The following CTNNA2 variants were observed in gnomAD, a reference collection of about 807,000 sequenced individuals.
CTNNA2 encodes the protein catenin alpha-2.
CTNNA2 carries 42 observed loss-of-function variants against 101.0 expected under a neutral mutation model. The observed-to-expected ratio is 0.42, with a 90% confidence interval of 0.32 to 0.54. The LOEUF (loss-of-function observed/expected upper bound fraction) is 0.54. Among genes scored for constraint, CTNNA2 ranks in the 20% least tolerant of loss-of-function variants. The probability of loss-of-function intolerance (pLI) is 0.14; values close to 1 mark genes in which losing one functional copy is unlikely to be tolerated. For synonymous variants in CTNNA2, 450 were observed against 456.4 expected (o/e 0.99, Z 0.18); for missense variants, 871 against 1,223.1 (o/e 0.71, Z 4.29).
chr2:80,409,409 C>A (rs1224058003), intron 8 of CTNNA2, among the ~76,000 whole-genome samples: 2 of 152,146 alleles, frequency 1.3e-5, no homozygotes, highest in African/African-American at 2.4e-5. Flanking sequence ...TCATGCTTAC[C>A]TGTAAGCACC....
chr2:79,547,000 A>T (rs1287608905), intron 1 of CTNNA2, among the ~76,000 whole-genome samples: 1 of 150,492 alleles, frequency 6.6e-6, no homozygotes, highest in Non-Finnish European at 1.5e-5. Flanking sequence ...AGAACGCTTG[A>T]TGTACTTGTT....
intron 7 of CTNNA2, among the ~76,000 whole-genome samples, chr2:80,334,907 AG>A (rs757592252): frequency 1.3e-5 from 2 of 152,220 alleles, no homozygotes; most frequent in Non-Finnish European, 2.9e-5. Flanking sequence ...ATTCCCTCAA[AG>A]GCAAGGACCA....
At chr2:80,607,120 G>A (rs891437712) in intron 16 of CTNNA2, among the ~76,000 whole-genome samples, 1 of 151,844 alleles carries the variant, frequency 6.6e-6, no homozygotes, top group Non-Finnish European at 1.5e-5. Context: ...ATTGATAAAA[G>A]AATTTCCTTT....
At chr2:79,905,191 T>C (rs1025636701) in intron 6 of CTNNA2, among the ~76,000 whole-genome samples, 2 of 151,688 alleles carry the variant, frequency 1.3e-5, no homozygotes, top group Non-Finnish European at 2.9e-5. Context: ...TAAAAATAAG[T>C]AAAACTCATA....
intron 2 of CTNNA2, among the ~76,000 whole-genome samples, chr2:79,305,988 G>A (rs1401477938): frequency 6.7e-6 from 1 of 148,950 alleles, no homozygotes; most frequent in African/African-American, 2.5e-5. Flanking sequence ...AGAGCTTGCA[G>A]TGAGCTGAGA....
At chr2:80,539,834 C>A (rs980071974) in intron 9 of CTNNA2, among the ~76,000 whole-genome samples, 1 of 152,200 alleles carries the variant, frequency 6.6e-6, no homozygotes, top group Non-Finnish European at 1.5e-5. Context: ...AATCCCAGAT[C>A]AATCTAAATT....
At chr2:80,293,702 C>G (rs1353840270) in intron 7 of CTNNA2, among the ~76,000 whole-genome samples, 1 of 152,170 alleles carries the variant, frequency 6.6e-6, no homozygotes, top group East Asian at 1.9e-4. Flanking sequence ...GTAGAATTAT[C>G]ACCACTCCAC....
At chr2:79,593,843 T>G (rs1438582620) in intron 1 of CTNNA2, among the ~76,000 whole-genome samples, 1 of 151,936 alleles carries the variant, frequency 6.6e-6, no homozygotes, top group Non-Finnish European at 1.5e-5. Flanking sequence ...CACATGGTCT[T>G]CAGTTGCATC....
intron 7 of CTNNA2, among the ~76,000 whole-genome samples, chr2:80,130,822 A>G (rs1264016119): frequency 6.6e-6 from 1 of 152,006 alleles, no homozygotes; most frequent in Admixed American, 6.6e-5. Context: ...AAAAGAATTC[A>G]TGAAGCCCAG....
At chr2:79,376,706 A>G (rs1014725327) in intron 4 of CTNNA2, among the ~76,000 whole-genome samples, 7 of 152,074 alleles carry the variant, frequency 4.6e-5, no homozygotes, top group Middle Eastern at 3.4e-3. Flanking sequence ...TCATTGTTCA[A>G]TTCCCACCTA....
At chr2:79,919,411 A>G (rs1014558075) in intron 7 of CTNNA2, among the ~76,000 whole-genome samples, 5 of 152,198 alleles carry the variant, frequency 3.3e-5, no homozygotes, top group Admixed American at 6.5e-5. Flanking sequence ...TTATCAAACA[A>G]ACTCCTTACT....
Position 79,818,209 on chromosome 2 carries a change from A to G in CTNNA2, c.299-39804A>G, listed in dbSNP as rs1677688668. 2.0e-5 allele frequency among the ~76,000 whole-genome samples: 3 copies of G among 152,284 alleles called. No homozygotes were observed. In the South Asian group the frequency reaches 6.2e-4, roughly 32 times the overall value. On this transcript the variant is annotated intron_variant, in intron 3 of 18. Transcript: ENST00000402739. Reference sequence around the variant, plus strand: ...AAGTTTGCTCTTTGTTCACTTTCATATTATTCATTTTTCATAATTTAATAT... The same window carrying G: ...AAGTTTGCTCTTTGTTCACTTTCATGTTATTCATTTTTCATAATTTAATAT...
chr2:80,318,038 C>A (rs1197812845), intron 7 of CTNNA2, among the ~76,000 whole-genome samples: 1 of 152,128 alleles, frequency 6.6e-6, no homozygotes, highest in Non-Finnish European at 1.5e-5. Flanking sequence ...TCCAGACTAC[C>A]CCTCACCCCA....
intron 12 of CTNNA2, among the ~76,000 whole-genome samples, chr2:80,557,387 A>G (rs1002305359): frequency 6.6e-6 from 1 of 152,168 alleles, no homozygotes; most frequent in South Asian, 2.1e-4. Flanking sequence ...GGACTTTTTC[A>G]TTAGTAACCT....
chr2:80,246,150 CT>C (rs1445744596), intron 7 of CTNNA2, among the ~76,000 whole-genome samples: 1 of 152,096 alleles, frequency 6.6e-6, no homozygotes, highest in African/African-American at 2.4e-5. Context: ...TTGGGCACTC[CT>C]TCAGATAGAG....
At chr2:80,045,748 G>A (rs553427222) in intron 7 of CTNNA2, among the ~76,000 whole-genome samples, 1 of 152,014 alleles carries the variant, frequency 6.6e-6, no homozygotes, top group South Asian at 2.1e-4. Context: ...ACTTTGTGTT[G>A]TACCATCAGG....
At chr2:79,707,799 C>A (rs1239204577) in intron 2 of CTNNA2, among the ~76,000 whole-genome samples, 2 of 152,188 alleles carry the variant, frequency 1.3e-5, no homozygotes, top group Non-Finnish European at 2.9e-5. Flanking sequence ...AGATATCTTG[C>A]AGCCAACTCT....
At chr2:79,425,067 G>T (rs1012358282) in intron 4 of CTNNA2, among the ~76,000 whole-genome samples, 2 of 152,166 alleles carry the variant, frequency 1.3e-5, no homozygotes, top group African/African-American at 4.8e-5. Flanking sequence ...AGGGGAAAAA[G>T]AAAAATATAC....
intron 1 of CTNNA2, among the ~76,000 whole-genome samples, chr2:79,194,216 T>G (rs1673928323): frequency 6.6e-6 from 1 of 152,172 alleles, no homozygotes; most frequent in East Asian, 1.9e-4. Flanking sequence ...GAGAGGGTTT[T>G]TGAGCTGCTG....
Sources: allele counts gnomAD v4.1 joint callset (sites outside exome capture counted in the v4.1 genomes callset), GRCh38; gene constraint gnomAD v4.1.1; transcripts MANE v1.5; gene names NCBI Gene and HGNC (gene_info 2026-07-23, HGNC 2026-07-21).